The following IL1RAPL2 variants were observed in gnomAD, a reference collection of about 807,000 sequenced individuals.
IL1RAPL2 encodes interleukin 1 receptor accessory protein like 2, also known as X-linked interleukin-1 receptor accessory protein-like 2.
Under a neutral mutation model 44.1 loss-of-function variants are expected in IL1RAPL2, and 3 were observed. The observed-to-expected ratio is 0.07, with a 90% CI of 0.03 to 0.18. The LOEUF (loss-of-function observed/expected upper bound fraction) is 0.18, where lower values mean the gene tolerates loss of function less well. IL1RAPL2 is among the 10% of genes least tolerant of loss of function. The pLI is 1.00. For synonymous variants in IL1RAPL2, 181 were observed against 178.8 expected, an observed-to-expected ratio of 1.01 and a Z score of -0.10; for missense variants, 391 against 496.4, an observed-to-expected ratio of 0.79 and a Z score of 2.02.
chrX:105,031,412 T>C (rs1225148096), intron 2 of IL1RAPL2, among the ~76,000 whole-genome samples: 7 of 111,477 alleles, frequency 6.3e-5, no homozygotes, highest in Non-Finnish European at 1.1e-4. Context: ...TTTTGAGATA[T>C]GTTCCATCAA....
chrX:105,542,893 GTGAGTAGAGAACTCAGGATTTAAATTCAA>G (rs1471131664), intron 6 of IL1RAPL2, among the ~76,000 whole-genome samples: 2 of 109,833 alleles, frequency 1.8e-5, no homozygotes, highest in African/African-American at 6.6e-5. Flanking sequence ...GAAGCATAGA[GTGAGTAGAGAACTCAGGATTTAAATTCAA>G]TCTAGGAATT....
At chrX:104,603,264 G>A (rs1157566058) in intron 1 of IL1RAPL2, among the ~76,000 whole-genome samples, 1 of 110,357 alleles carries the variant, frequency 9.1e-6, no homozygotes, top group Non-Finnish European at 1.9e-5. Context: ...TAACAGAAAG[G>A]AATAGCACGT....
chrX:105,660,588 C>G (rs1166935637), intron 6 of IL1RAPL2, among the ~76,000 whole-genome samples: 3 of 110,914 alleles, frequency 2.7e-5, no homozygotes, highest in Non-Finnish European at 3.8e-5. Flanking sequence ...AGACATAGTA[C>G]AGTAAGATAT....
intron 5 of IL1RAPL2, among the ~76,000 whole-genome samples, chrX:105,413,777 A>G (rs1245190590): frequency 8.9e-6 from 1 of 112,442 alleles, no homozygotes; most frequent in East Asian, 2.8e-4. Flanking sequence ...AACAAACGTT[A>G]TAGGCCTGCA....
intron 5 of IL1RAPL2, among the ~76,000 whole-genome samples, chrX:105,478,368 G>A (rs1361625834): frequency 9.1e-6 from 1 of 110,355 alleles, no homozygotes; most frequent in African/African-American, 3.3e-5. Context: ...ATGTTATCTC[G>A]CTGAGGTTGA....
At chrX:104,920,969 C>T (rs1324041307) in intron 2 of IL1RAPL2, among the ~76,000 whole-genome samples, 1 of 110,901 alleles carries the variant, frequency 9.0e-6, no homozygotes, top group Non-Finnish European at 1.9e-5. Context: ...TGAAGTGAGG[C>T]TGCCTGCTTG....
chrX:104,937,732 G>T (rs1156453524), intron 2 of IL1RAPL2, among the ~76,000 whole-genome samples: 3 of 112,213 alleles, frequency 2.7e-5, no homozygotes, highest in Non-Finnish European at 5.6e-5. Flanking sequence ...CACAGAATTT[G>T]GAAACATATT....
chrX:104,728,634 G>C (rs1205874405), intron 2 of IL1RAPL2, among the ~76,000 whole-genome samples: 2 of 111,371 alleles, frequency 1.8e-5, no homozygotes, highest in Non-Finnish European at 3.8e-5. Flanking sequence ...TTTGGACACA[G>C]AGACATTCAC....
At chrX:105,706,056 G>A (rs1039286927) in intron 6 of IL1RAPL2, among the ~76,000 whole-genome samples, 6 of 110,644 alleles carry the variant, frequency 5.4e-5, no homozygotes, top group African/African-American at 1.3e-4. Context: ...AAAGGAAAGG[G>A]CAGGGAACAA....
At chrX:104,938,996 T>G (rs994934207) in intron 2 of IL1RAPL2, among the ~76,000 whole-genome samples, 1 of 109,807 alleles carries the variant, frequency 9.1e-6, no homozygotes, top group African/African-American at 3.3e-5. Context: ...TAGAAGCAAA[T>G]AAGTTAGGGA....
chrX:104,646,111 A>T (rs1208808749), intron 1 of IL1RAPL2, among the ~76,000 whole-genome samples: 1 of 112,107 alleles, frequency 8.9e-6, no homozygotes, highest in African/African-American at 3.2e-5. Context: ...AAATATTCAG[A>T]TGACACAAAA....
At chrX:104,799,421 C>T (rs1662500217) in intron 2 of IL1RAPL2, among the ~76,000 whole-genome samples, 1 of 111,052 alleles carries the variant, frequency 9.0e-6, no homozygotes, top group South Asian at 3.8e-4. Context: ...TGCTGGGACC[C>T]ATCCCTAGAA....
At chrX:105,100,207 G>C (rs2032654977) in intron 2 of IL1RAPL2, among the ~76,000 whole-genome samples, 1 of 111,587 alleles carries the variant, frequency 9.0e-6, no homozygotes, top group African/African-American at 3.3e-5. Flanking sequence ...TATATATAAG[G>C]TTTGGTACTA....
At chrX:105,325,684 T>C (rs1370474619) in intron 5 of IL1RAPL2, among the ~76,000 whole-genome samples, 1 of 108,446 alleles carries the variant, frequency 9.2e-6, no homozygotes, top group African/African-American at 3.4e-5. Flanking sequence ...CCATTTTACA[T>C]TTGCACTAAC....
intron 2 of IL1RAPL2, among the ~76,000 whole-genome samples, chrX:104,985,717 T>C (rs1322207799): frequency 8.9e-6 from 1 of 111,916 alleles, no homozygotes; most frequent in African/African-American, 3.2e-5. Flanking sequence ...GGCTTGGTGA[T>C]AAAAAGACAA....
At chrX:105,551,647 T>C (rs901311674) in intron 6 of IL1RAPL2, among the ~76,000 whole-genome samples, 10 of 112,016 alleles carry the variant, frequency 8.9e-5, no homozygotes, top group African/African-American at 2.9e-4. Flanking sequence ...CTATAAAGTA[T>C]ATAAAGCTGC....
intron 2 of IL1RAPL2, among the ~76,000 whole-genome samples, chrX:105,084,940 A>T (rs2032461256): frequency 9.0e-6 from 1 of 111,011 alleles, no homozygotes; most frequent in African/African-American, 3.3e-5. Flanking sequence ...GTGAGTTCTC[A>T]TGAGATCTGA....
intron 2 of IL1RAPL2, among the ~76,000 whole-genome samples, chrX:105,103,989 G>A (rs899968381): frequency 5.4e-5 from 6 of 112,033 alleles, no homozygotes; most frequent in South Asian, 3.7e-4. Flanking sequence ...AAGCAATGGC[G>A]TTAATCACTG....
chrX:105,669,989 T>C (rs1161475736), intron 6 of IL1RAPL2, among the ~76,000 whole-genome samples: 1 of 102,335 alleles, frequency 9.8e-6, no homozygotes, highest in Non-Finnish European at 2.0e-5. Flanking sequence ...GTCCAGTTTT[T>C]CTAGCACCAT....
Sources: allele counts gnomAD v4.1 joint callset (sites outside exome capture counted in the v4.1 genomes callset), GRCh38; gene constraint gnomAD v4.1.1; transcripts MANE v1.5; gene names NCBI Gene and HGNC (gene_info 2026-07-23, HGNC 2026-07-21).